Variants in STAT4 observed in about 807,000 individuals in gnomAD.
STAT4 encodes the protein signal transducer and activator of transcription 4.
In STAT4, 42 loss-of-function variants were observed where a neutral mutation model predicts 110.5. The ratio of observed to expected loss-of-function variants is 0.38; its 90% CI spans 0.30 to 0.49. The LOEUF (loss-of-function observed/expected upper bound fraction) is 0.49. Among genes scored for constraint, STAT4 ranks in the 20% least tolerant of loss-of-function variants. The pLI is 0.95. For missense variants in STAT4, 632 were observed against 887.9 expected (o/e 0.71, Z 3.66); for synonymous variants, 284 against 302.2 (o/e 0.94, Z 0.63).
intron 3 of STAT4, among the ~76,000 whole-genome samples, chr2:191,119,228 T>C (rs1053289347): frequency 2.0e-5 from 3 of 152,220 alleles, no homozygotes; most frequent in African/African-American, 4.8e-5. Flanking sequence ...AATTAAAATA[T>C]GCTAAAAAGG....
intron 3 of STAT4, among the ~76,000 whole-genome samples, chr2:191,141,381 CAT>C (rs539599993): frequency 1.7e-3 from 257 of 148,420 alleles, no homozygotes; most frequent in African/African-American, 6.1e-3. Flanking sequence ...TTTATACATA[CAT>C]GTATATATAT....
At chr2:191,129,091 C>T (rs1366560172) in intron 3 of STAT4, among the ~76,000 whole-genome samples, 1 of 151,994 alleles carries the variant, frequency 6.6e-6, no homozygotes, top group Non-Finnish European at 1.5e-5. Flanking sequence ...AGAGAGTGCT[C>T]TTTAAATATT....
At chr2:191,094,910 T>C (rs1574149584) in intron 3 of STAT4, among the ~76,000 whole-genome samples, 1 of 41,518 alleles carries the variant, frequency 2.4e-5, no homozygotes, top group South Asian at 8.0e-4. Flanking sequence ...ACCAAGCAAA[T>C]GGAAAGCAAA....
chr2:191,132,177 C>A (rs1281324904), intron 3 of STAT4, among the ~76,000 whole-genome samples: 3 of 151,708 alleles, frequency 2.0e-5, no homozygotes, highest in African/African-American at 7.3e-5. Flanking sequence ...CGATCCTAAT[C>A]TTTTCTGATT....
chr2:191,145,824 T>G (rs1699446948), intron 3 of STAT4, among the ~76,000 whole-genome samples: 1 of 152,196 alleles, frequency 6.6e-6, no homozygotes, highest in Non-Finnish European at 1.5e-5. Context: ...CAGTAAATAT[T>G]ATAGCAGTCC....
rs191635941 is a variant in STAT4, at chr2:191,101,249, C to T, written c.274-24924G>A. On this transcript the variant is annotated intron_variant, in intron 3 of 23. Transcript: ENST00000392320. Reference sequence around the variant, plus strand: ...CCACAATCACAAGATCTGGAGATAACCTATGTTAACATTTTTATATGGACC... The same window carrying T: ...CCACAATCACAAGATCTGGAGATAATCTATGTTAACATTTTTATATGGACC... 2.0e-3 allele frequency among the ~76,000 whole-genome samples: 298 copies of T among 152,098 alleles called. 1 individual carries two copies. Among genetic ancestry groups the T allele is most frequent in the African/African-American group, 6.9e-3 (285 of 41,518 alleles).
In STAT4 at chr2:191,036,261, C is replaced by A. The variant is rs149621054; in HGVS notation, c.1473G>T (p.Leu491Phe). 3 of 1,614,054 alleles carry A rather than the reference C, an allele frequency of 1.9e-6. No homozygotes were observed. Among genetic ancestry groups the A allele is most frequent in the Non-Finnish European group, 2.5e-6 (3 of 1,180,004 alleles). ...VFFNNPPPAT[L>F]SQLLEVMSWQ... ...AGCTCATCACCTCCAGTAGTTGACT[C>A]AATGTGGCAGGTGGAGGATTATTAA... Residue 491 changes from leucine (L) to phenylalanine (F), a missense_variant, in exon 17 of 24, where the codon TTG (leucine) becomes TTT (phenylalanine). Coordinates refer to ENST00000392320, the MANE Select transcript of STAT4 (RefSeq NM_003151.4).
rs1377808952 is a variant in STAT4 at position 191,043,637 on chromosome 2, A to G, written c.1252-2489T>C. 1.3e-5 allele frequency among the ~76,000 whole-genome samples: 2 copies of G among 150,190 alleles called. No individual in the cohort carries two copies. Among genetic ancestry groups the G allele is most frequent in the African/African-American group, 5.0e-5 (2 of 39,622 alleles). Reference sequence around the variant, plus strand: ...CACTCATTAAAAAAAAAAGACATGTAGAAGAATGTTAATTGAAGAATGTTT... The same window carrying G: ...CACTCATTAAAAAAAAAAGACATGTGGAAGAATGTTAATTGAAGAATGTTT... On this transcript the variant is annotated intron_variant, in intron 14 of 23. Transcript: ENST00000392320. The surrounding 1 kb of genome is among the most constrained non-coding windows in gnomAD (Gnocchi z 4.8).
Position 191,042,053 on chromosome 2 carries a change from T to C in STAT4, c.1252-905A>G, listed in dbSNP as rs1374652317. 6.6e-6 allele frequency among the ~76,000 whole-genome samples: 1 copy of C among 152,130 alleles called. No homozygotes were observed. The highest frequency in any genetic ancestry group is 1.5e-5 in the Non-Finnish European group (1 of 68,010). ...CCAGGCTTAAAAGCTCCTGGAAAGG[T>C]ATCTGGGAAGTTTGCCAGACCAAGG... On this transcript the variant is annotated intron_variant, in intron 14 of 23. Coordinates refer to ENST00000392320, the MANE Select transcript of STAT4 (RefSeq NM_003151.4). The surrounding 1 kb of genome is among the most constrained non-coding windows in gnomAD (Gnocchi z 4.2).
In STAT4 at chr2:191,033,575, A is replaced by G; in HGVS notation, c.1767T>C (p.Asp589=). The G allele has an allele frequency of 6.2e-7, 1 of 1,614,156 alleles. No individual in the cohort carries two copies. Among genetic ancestry groups the G allele is most frequent in the Non-Finnish European group, 8.5e-7 (1 of 1,180,014 alleles). ...TTAATAAAAAGGTGCCAGGCATTTTATCCTTTAGCAACAGCCGTTCCTTCT... is the reference window on the plus strand; with the variant it reads ...TTAATAAAAAGGTGCCAGGCATTTTGTCCTTTAGCAACAGCCGTTCCTTCT... The part of the protein sequence containing the change: ...SKEKERLLLK[D]KMPGTFLLRF... Residue 589 remains aspartate (D), a synonymous_variant, in exon 20 of 24, where the codon GAT becomes GAC. Coordinates refer to ENST00000392320, the MANE Select transcript of STAT4 (RefSeq NM_003151.4). This position sits in a 1 kb window ranked among gnomAD's most constrained non-coding sequence, Gnocchi z 6.9.
rs779731829 is a variant in STAT4 at position 191,091,933 on chromosome 2, G to A, written c.274-15608C>T. 2.0e-5 allele frequency among the ~76,000 whole-genome samples: 3 copies of A among 152,118 alleles called. No individual in the cohort carries two copies. The highest frequency in any genetic ancestry group is 2.0e-4 in the Admixed American group (3 of 15,262). On this transcript the variant is annotated intron_variant, in intron 3 of 23. Coordinates refer to ENST00000392320, the MANE Select transcript of STAT4 (RefSeq NM_003151.4). The surrounding 1 kb of genome is among the most constrained non-coding windows in gnomAD (Gnocchi z 5.4). ...TACCATAAGGTCATTGTATCCAATAGTAATGACATATAACTAGATTAGCAG... is the reference window on the plus strand; with the variant it reads ...TACCATAAGGTCATTGTATCCAATAATAATGACATATAACTAGATTAGCAG...
Position 191,146,798 on chromosome 2 carries a change from T to G in STAT4, c.129-41A>C. ...ATTATTACACAACAGAAAACAACTT[T>G]GTAAAATGTCTACTTTTTTACCATA... On this transcript the variant is annotated intron_variant, in intron 2 of 23. Transcript: ENST00000392320. This position sits in a 1 kb window ranked among gnomAD's most constrained non-coding sequence, Gnocchi z 4.5. 6.9e-7 allele frequency: 1 copy of G among 1,443,370 alleles called. No homozygotes were observed. The highest frequency in any genetic ancestry group is 1.9e-4 in the Middle Eastern group (1 of 5,284). The allele number at this position is 1,443,370 out of a possible 1,614,324, so 89.4% of individuals were successfully genotyped here.
Position 191,036,259 on chromosome 2 carries a change from C to G in STAT4, c.1475G>C (p.Ser492Thr). The G allele has an allele frequency of 6.2e-7, 1 of 1,614,112 alleles. No homozygotes were observed. Among genetic ancestry groups the G allele is most frequent in the East Asian group, 2.2e-5 (1 of 44,886 alleles). Residue 492 changes from serine (S) to threonine (T), a missense_variant, in exon 17 of 24, where the codon AGT becomes ACT. By Grantham distance (58) the Ser-to-Thr change is moderately conservative. Coordinates refer to ENST00000392320, the MANE Select transcript of STAT4 (RefSeq NM_003151.4). ...FFNNPPPATL[S>T]QLLEVMSWQF... ...CCAGCTCATCACCTCCAGTAGTTGA[C>G]TCAATGTGGCAGGTGGAGGATTATT...
Position 191,043,322 on chromosome 2 carries a change from A to G in STAT4, c.1252-2174T>C, listed in dbSNP as rs1346568953. 6.6e-6 allele frequency among the ~76,000 whole-genome samples: 1 copy of G among 152,228 alleles called. No individual in the cohort carries two copies. The highest frequency in any genetic ancestry group is 2.1e-4 in the South Asian group (1 of 4,830). On this transcript the variant is annotated intron_variant, in intron 14 of 23. Transcript: ENST00000392320. The surrounding 1 kb of genome is among the most constrained non-coding windows in gnomAD (Gnocchi z 4.8). ...CAAAAAAATCCCACAAAGACGTCAA[A>G]AATAGAATAGAAAAGATAGCAAATA...
chr2:191,130,097 A>G (rs976503034), intron 3 of STAT4, among the ~76,000 whole-genome samples: 1 of 152,122 alleles, frequency 6.6e-6, no homozygotes, highest in African/African-American at 2.4e-5. Context: ...AATAACTGGG[A>G]ATAGAATTAG....
intron 3 of STAT4, among the ~76,000 whole-genome samples, chr2:191,097,990 C>T (rs564119618): frequency 1.3e-3 from 199 of 152,198 alleles, no homozygotes; most frequent in Non-Finnish European, 2.5e-3. Context: ...GACATTTATG[C>T]AGCCAACAGA....
rs749809114 is a variant in STAT4, at chr2:191,086,973, C to G, written c.274-10648G>C. Among the ~76,000 whole-genome samples, 1 of 152,078 alleles carries G rather than the reference C, an allele frequency of 6.6e-6. No homozygotes were observed. Among genetic ancestry groups the G allele is most frequent in the Non-Finnish European group, 1.5e-5 (1 of 68,016 alleles). On this transcript the variant is annotated intron_variant, in intron 3 of 23. Transcript: ENST00000392320. The surrounding 1 kb of genome is among the most constrained non-coding windows in gnomAD (Gnocchi z 5.5). ...GGATTGCAGTGGCAATCTGAAGTGC[C>G]TCAGAGGCTCTAGAAAACTAGTATA...
rs915688112 is a variant in STAT4, at chr2:191,031,392, A to T, written c.2111+58T>A. The T allele has an allele frequency of 2.8e-5, 43 of 1,536,360 alleles. No homozygotes were observed. Among genetic ancestry groups the T allele is most frequent in the Non-Finnish European group, 3.7e-5 (42 of 1,121,770 alleles). On this transcript the variant is annotated intron_variant, in intron 22 of 23. Coordinates refer to ENST00000392320, the MANE Select transcript of STAT4 (RefSeq NM_003151.4). This position sits in a 1 kb window ranked among gnomAD's most constrained non-coding sequence, Gnocchi z 4.8. Reference sequence around the variant, plus strand: ...TTATGTGTACTCTGCTCTACCTTTAAATCTCCTATAGGAAAGCTTTTTATA... The same window carrying T: ...TTATGTGTACTCTGCTCTACCTTTATATCTCCTATAGGAAAGCTTTTTATA...
rs1354670190 is a variant in STAT4, at chr2:191,033,861, G to GA, written c.1715+49dup. ...AGAAAGAAGAAAACCAATAACAACA[G>GA]AAAAAAAGAACATAATTAACTCATA... On this transcript the variant is annotated intron_variant, in intron 19 of 23. Coordinates refer to ENST00000392320, the MANE Select transcript of STAT4 (RefSeq NM_003151.4). The surrounding 1 kb of genome is among the most constrained non-coding windows in gnomAD (Gnocchi z 6.9). 2.7e-6 allele frequency: 4 copies of GA among 1,474,274 alleles called. No individual in the cohort carries two copies. Among genetic ancestry groups the GA allele is most frequent in the East Asian group, 2.3e-5 (1 of 43,616 alleles). 91.3% of individuals were successfully genotyped at this position (1,474,274 alleles called of 1,614,324 possible).
Sources: allele counts gnomAD v4.1 joint callset (sites outside exome capture counted in the v4.1 genomes callset), GRCh38; gene constraint gnomAD v4.1.1; non-coding constraint Gnocchi (gnomAD v3.1); transcripts MANE v1.5; gene names NCBI Gene and HGNC (gene_info 2026-07-23, HGNC 2026-07-21).